Variants in TRPC5 observed in about 807,000 individuals in gnomAD.
TRPC5 encodes short transient receptor potential channel 5.
Under a neutral mutation model 56.5 loss-of-function variants are expected in TRPC5, and 9 were observed. The ratio of observed to expected loss-of-function variants is 0.16; its 90% CI spans 0.10 to 0.28. The LOEUF (loss-of-function observed/expected upper bound fraction) is 0.28. TRPC5 is among the 10% of genes least tolerant of loss of function. The pLI, the probability that TRPC5 is intolerant of heterozygous loss-of-function variation, is 1.00. For synonymous variants in TRPC5, 282 were observed against 278.5 expected (o/e 1.01, Z -0.13); for missense variants, 469 against 748.9 (o/e 0.63, Z 4.36).
intron 6 of TRPC5, 70 bp downstream of exon 6, chrX:111,847,044 C>T: frequency 9.2e-7 from 1 of 1,090,562 alleles, no homozygotes. Flanking sequence ...GAAAACAGGA[C>T]AAAAATGGAG....
At chrX:111,829,296 T>C in intron 7 of TRPC5, among the ~76,000 whole-genome samples, 1 of 79,044 alleles carries the variant, frequency 1.3e-5, no homozygotes, top group Non-Finnish European at 2.3e-5. Context: ...TATGAGACTC[T>C]GTCTCAAAAA....
intron 1 of TRPC5, among the ~76,000 whole-genome samples, chrX:112,065,742 A>C (rs1005987077): frequency 9.0e-6 from 1 of 111,218 alleles, no homozygotes; most frequent in Admixed American, 9.5e-5. Context: ...AATATAAAAA[A>C]TTAGCTGGGA....
intron 1 of TRPC5, among the ~76,000 whole-genome samples, chrX:112,006,056 G>A (rs908539855): frequency 1.8e-5 from 2 of 111,626 alleles, no homozygotes; most frequent in Admixed American, 9.5e-5. Flanking sequence ...CAAATGTGCT[G>A]CTTCCTCTCC....
intron 1 of TRPC5, among the ~76,000 whole-genome samples, chrX:111,966,926 G>A (rs1441443842): frequency 6.1e-5 from 6 of 98,009 alleles, no homozygotes; most frequent in East Asian, 2.8e-4. Context: ...GCACAAGACA[G>A]GGATGCCTCT....
At chrX:112,047,989 TC>T (rs1930098289) in intron 1 of TRPC5, among the ~76,000 whole-genome samples, 1 of 112,451 alleles carries the variant, frequency 8.9e-6, no homozygotes, top group Non-Finnish European at 1.9e-5. Flanking sequence ...TCTATTTTGT[TC>T]ATTTCTCTAT....
intron 7 of TRPC5, among the ~76,000 whole-genome samples, chrX:111,818,359 T>A (rs2148568887): frequency 9.0e-6 from 1 of 111,321 alleles, no homozygotes; most frequent in South Asian, 3.8e-4. Context: ...TCATTGCAAA[T>A]AAATAATTAT....
At chrX:112,080,395 T>TACACACACACACACAC (rs201063739) in intron 1 of TRPC5, among the ~76,000 whole-genome samples, 1 of 79,151 alleles carries the variant, frequency 1.3e-5, no homozygotes, top group Non-Finnish European at 2.5e-5. Flanking sequence ...AAAAACTACA[T>TACACACACACACACAC]ACACACACAC....
At chrX:111,993,591 A>G (rs1384373025) in intron 1 of TRPC5, among the ~76,000 whole-genome samples, 1 of 112,161 alleles carries the variant, frequency 8.9e-6, no homozygotes, top group Non-Finnish European at 1.9e-5. Context: ...AATGATTGCC[A>G]TTCTAACTGG....
chrX:111,898,251 T>TTATATATATATA (rs58112324), intron 3 of TRPC5, among the ~76,000 whole-genome samples: 3 of 92,418 alleles, frequency 3.2e-5, no homozygotes, highest in African/African-American at 1.2e-4. Flanking sequence ...GTAGGGGTTC[T>TTATATATATATA]TATATATATA....
intron 7 of TRPC5, among the ~76,000 whole-genome samples, chrX:111,827,695 G>C (rs936951010): frequency 1.7e-4 from 19 of 111,712 alleles, no homozygotes; most frequent in Non-Finnish European, 3.2e-4. Flanking sequence ...TTTTGTCTGG[G>C]TTAGTGCAAT....
intron 1 of TRPC5, among the ~76,000 whole-genome samples, chrX:111,992,100 T>G (rs893994908): frequency 1.8e-5 from 2 of 112,169 alleles, no homozygotes; most frequent in Non-Finnish European, 3.8e-5. Flanking sequence ...ATATGAGGGA[T>G]AGAGCCAGTA....
chrX:111,812,981 A>G (rs1487601263), intron 7 of TRPC5, among the ~76,000 whole-genome samples: 1 of 112,143 alleles, frequency 8.9e-6, no homozygotes, highest in Non-Finnish European at 1.9e-5. Flanking sequence ...ATTTTCATTT[A>G]TTTTCGTGGG....
At chrX:111,966,502 C>G (rs2148645616) in intron 1 of TRPC5, among the ~76,000 whole-genome samples, 1 of 111,714 alleles carries the variant, frequency 9.0e-6, no homozygotes, top group South Asian at 3.8e-4. Flanking sequence ...ATCCTGATAC[C>G]AAAGCCGGGC....
chrX:112,051,323 C>A (rs761597107), intron 1 of TRPC5, among the ~76,000 whole-genome samples: 2 of 112,142 alleles, frequency 1.8e-5, no homozygotes, highest in South Asian at 3.7e-4. Flanking sequence ...GAGGCATTAC[C>A]ACAGCCCTTG....
At chrX:111,901,488 T>C (rs1925342048) in intron 3 of TRPC5, 1 of 123,032 alleles carries the variant, frequency 8.1e-6, no homozygotes, top group African/African-American at 3.2e-5. Context: ...GCCTGTAGGA[T>C]GGATAAAGGC....
chrX:111,779,999 G>A (rs1945907658), intron 9 of TRPC5, among the ~76,000 whole-genome samples: 1 of 111,916 alleles, frequency 8.9e-6, no homozygotes, highest in Non-Finnish European at 1.9e-5. Context: ...GAAGGCGGGA[G>A]TAGGGAGAGG....
At chrX:111,827,307 A>C (rs937003373) in intron 7 of TRPC5, among the ~76,000 whole-genome samples, 1 of 110,469 alleles carries the variant, frequency 9.1e-6, no homozygotes, top group Non-Finnish European at 1.9e-5. Flanking sequence ...ATCTAGTTCC[A>C]TAGCTTTAGA....
chrX:112,002,689 G>A (rs147924138), intron 1 of TRPC5, among the ~76,000 whole-genome samples: 152 of 111,139 alleles, frequency 1.4e-3, no homozygotes, highest in African/African-American at 4.8e-3. Context: ...CTCTTGACAG[G>A]GTATTTTTCA....
chrX:111,781,045 T>C, intron 9 of TRPC5, 120 bp downstream of exon 9: 1 of 715,337 alleles, frequency 1.4e-6, no homozygotes, highest in Admixed American at 2.2e-5. Flanking sequence ...TTACAGCCTT[T>C]CCAAGCCTCC....
Sources: allele counts gnomAD v4.1 joint callset (sites outside exome capture counted in the v4.1 genomes callset), GRCh38; gene constraint gnomAD v4.1.1; transcripts MANE v1.5; gene names NCBI Gene and HGNC (gene_info 2026-07-23, HGNC 2026-07-21).